The following SERTM1 variants were observed in gnomAD, a reference collection of about 807,000 sequenced individuals.
SERTM1 encodes the protein serine rich and transmembrane domain containing 1.
Under a neutral mutation model 5.5 loss-of-function variants are expected in SERTM1, and 1 was observed. The ratio of observed to expected loss-of-function variants is 0.18; its 90% confidence interval spans 0.06 to 0.86. The LOEUF is 0.86. Among genes scored for constraint, SERTM1 ranks in the 40% least tolerant of loss-of-function variants. The pLI, the probability that SERTM1 is intolerant of heterozygous loss-of-function variation, is 0.69. For synonymous variants in SERTM1, 52 were observed against 55.1 expected (o/e 0.94, Z 0.25); for missense variants, 91 against 122.4 (o/e 0.74, Z 1.21).
intron 1 of SERTM1, among the ~76,000 whole-genome samples, chr13:36,691,370 G>A (rs1010530269): frequency 1.3e-5 from 2 of 152,138 alleles, no homozygotes; most frequent in South Asian, 2.1e-4. Context: ...CCAGGTGTGC[G>A]CTGTCTTACG....
intron 1 of SERTM1, among the ~76,000 whole-genome samples, chr13:36,675,107 A>C (rs1347958019): frequency 6.6e-6 from 1 of 152,178 alleles, no homozygotes; most frequent in Non-Finnish European, 1.5e-5. Context: ...CCCGGGCTCC[A>C]TCGGACTTGG....
intron 1 of SERTM1, among the ~76,000 whole-genome samples, chr13:36,678,265 C>G (rs1190974012): frequency 6.6e-6 from 1 of 152,120 alleles, no homozygotes; most frequent in Non-Finnish European, 1.5e-5. Flanking sequence ...TACCCTCTAA[C>G]AAAAACATAT....
intron 1 of SERTM1, among the ~76,000 whole-genome samples, chr13:36,678,695 A>ATATATATATATAT (rs1395603891): frequency 1.2e-4 from 18 of 147,496 alleles, no homozygotes; most frequent in Non-Finnish European, 2.0e-4. Context: ...ATATATATAT[A>ATATATATATATAT]AAATATAGTC....
rs1593393043 is a variant in SERTM1, at chr13:36,682,455, A to G, written c.-174+8271A>G. ...GCAGAGGAGGGAGCCAGAAATTTGC[A>G]TAGAGAAAGTAGGTAGGGATTTCTA... On this transcript the variant is annotated intron_variant, in intron 1 of 1. Coordinates refer to ENST00000315190, the MANE Select transcript of SERTM1 (RefSeq NM_203451.3). Among the ~76,000 whole-genome samples, 2 of 152,254 alleles carry G rather than the reference A, an allele frequency of 1.3e-5. 1 individual carries two copies. The highest frequency in any genetic ancestry group is 4.1e-4 in the South Asian group (2 of 4,838).
intron 1 of SERTM1, among the ~76,000 whole-genome samples, chr13:36,679,053 A>G (rs1291004898): frequency 6.6e-6 from 1 of 152,172 alleles, no homozygotes; most frequent in East Asian, 1.9e-4. Flanking sequence ...TAACATTCAT[A>G]TAGAAAAGTA....
chr13:36,694,058 T>C (rs1241296670), intron 1 of SERTM1, among the ~76,000 whole-genome samples: 3 of 152,176 alleles, frequency 2.0e-5, no homozygotes, highest in Non-Finnish European at 4.4e-5. Context: ...TTTTCTCCAA[T>C]GCTTTACAGT....
In SERTM1 at chr13:36,674,045, GTGCGCCCAGACTGCGCGCCGCGCCGC is replaced by G. The variant is rs944510452; in HGVS notation, c.-304_-279del. 3 of 152,278 alleles carry G rather than the reference GTGCGCCCAGACTGCGCGCCGCGCCGC, an allele frequency of 2.0e-5. No individual in the cohort carries two copies. Among genetic ancestry groups the G allele is most frequent in the African/African-American group, 4.8e-5 (2 of 41,452 alleles). The allele number at this position is 152,278 out of a possible 1,614,324, so 9.4% of individuals were successfully genotyped here. A position where few individuals can be genotyped will look rare whatever the true frequency, so the allele number is the denominator to read the frequency against. ...ACTCCCGCTGCGCCTGCTGTCCGCC[GTGCGCCCAGACTGCGCGCCGCGCCGC>G]TGCGCCCAACATTCCCGAGGACGGC... is the stretch of plus-strand genomic sequence containing the variant. On this transcript the variant is annotated 5_prime_UTR_variant, in exon 1 of 2. Coordinates refer to ENST00000315190, the MANE Select transcript of SERTM1 (RefSeq NM_203451.3).
chr13:36,685,479 A>G (rs1196019529), intron 1 of SERTM1, among the ~76,000 whole-genome samples: 2 of 152,138 alleles, frequency 1.3e-5, no homozygotes, highest in African/African-American at 4.8e-5. Context: ...GGCACTGACA[A>G]TTTCAGGTCC....
intron 1 of SERTM1, among the ~76,000 whole-genome samples, chr13:36,677,932 C>T (rs749010046): frequency 6.6e-6 from 1 of 151,906 alleles, no homozygotes. Context: ...TACATTTAAC[C>T]CCTGTTAGGA....
chr13:36,684,785 A>G (rs1240705082), intron 1 of SERTM1, among the ~76,000 whole-genome samples: 1 of 152,184 alleles, frequency 6.6e-6, no homozygotes, highest in Non-Finnish European at 1.5e-5. Context: ...CACATCATCT[A>G]AAAGTAAGGT....
chr13:36,687,480 G>T (rs897124979), intron 1 of SERTM1, among the ~76,000 whole-genome samples: 1 of 151,882 alleles, frequency 6.6e-6, no homozygotes, highest in African/African-American at 2.4e-5. Flanking sequence ...AAGGGGAAAA[G>T]TATCTCCTTA....
At chr13:36,691,700 G>A (rs1043355745) in intron 1 of SERTM1, among the ~76,000 whole-genome samples, 4 of 152,216 alleles carry the variant, frequency 2.6e-5, no homozygotes, top group Non-Finnish European at 4.4e-5. Context: ...GCGCTGCCCC[G>A]AGACAGGTCA....
intron 1 of SERTM1, among the ~76,000 whole-genome samples, chr13:36,690,421 A>T (rs1386070681): frequency 2.0e-5 from 3 of 152,238 alleles, no homozygotes; most frequent in Non-Finnish European, 4.4e-5. Flanking sequence ...TATTTCTATT[A>T]CTGCAAGGCC....
chr13:36,682,468 G>A (rs1029825053), intron 1 of SERTM1, among the ~76,000 whole-genome samples: 3 of 152,214 alleles, frequency 2.0e-5, no homozygotes, highest in Non-Finnish European at 4.4e-5. Context: ...GAGAAAGTAG[G>A]TAGGGATTTC....
intron 1 of SERTM1, among the ~76,000 whole-genome samples, chr13:36,683,950 T>C (rs1490369718): frequency 6.6e-6 from 1 of 152,200 alleles, no homozygotes; most frequent in African/African-American, 2.4e-5. Flanking sequence ...AGAGATGTAG[T>C]TTGAATTCCA....
intron 1 of SERTM1, among the ~76,000 whole-genome samples, chr13:36,694,334 A>G (rs1201045855): frequency 6.6e-6 from 1 of 152,252 alleles, no homozygotes; most frequent in African/African-American, 2.4e-5. Context: ...TGCCTAAAGC[A>G]TGTAAAACAA....
At chr13:36,690,437 G>T (rs761323152) in intron 1 of SERTM1, among the ~76,000 whole-genome samples, 10 of 152,178 alleles carry the variant, frequency 6.6e-5, no homozygotes, top group Non-Finnish European at 1.2e-4. Flanking sequence ...AGGCCCAGGG[G>T]TAAATGTTTG....
chr13:36,692,339 A>G (rs117097837), intron 1 of SERTM1, among the ~76,000 whole-genome samples: 2,662 of 152,268 alleles, frequency 0.017, 36 homozygotes, highest in Middle Eastern at 0.065. Context: ...TAGAATATTT[A>G]CCCTGTAAAA....
chr13:36,674,744 C>T (rs2056659268), intron 1 of SERTM1, among the ~76,000 whole-genome samples: 1 of 152,168 alleles, frequency 6.6e-6, no homozygotes, highest in Non-Finnish European at 1.5e-5. Context: ...GCTGGCTTTG[C>T]ACCTGCTAAG....
Sources: gnomAD v4.1 joint callset for allele counts (sites outside exome capture counted in the v4.1 genomes callset) on GRCh38, gnomAD v4.1.1 for gene constraint, MANE v1.5 for transcripts, NCBI Gene and HGNC (gene_info 2026-07-23, HGNC 2026-07-21) for gene names.